ANAPC1: variants seen among roughly 807,000 people sequenced by gnomAD.
ANAPC1 encodes anaphase promoting complex subunit 1.
A neutral mutation model predicts 208.0 loss-of-function variants in ANAPC1; 36 were observed. That is an observed-to-expected ratio of 0.17 (90% CI 0.13 to 0.23). The LOEUF is 0.23. Among genes scored for constraint, ANAPC1 ranks in the 10% least tolerant of loss-of-function variants. ANAPC1 has a pLI of 1.00. For missense variants in ANAPC1, 942 were observed against 2,011.6 expected, an observed-to-expected ratio of 0.47 and a Z score of 10.17; for synonymous variants, 378 against 695.2, an observed-to-expected ratio of 0.54 and a Z score of 7.18.
chr2:111,877,462 C>A (rs971833966), intron 3 of ANAPC1, among the ~76,000 whole-genome samples: 3 of 152,068 alleles, frequency 2.0e-5, no homozygotes, highest in Non-Finnish European at 4.4e-5. Context: ...GATAATGAAT[C>A]CCCATCAGCC....
chr2:111,877,624 T>TA (rs1340452426), intron 3 of ANAPC1, among the ~76,000 whole-genome samples: 2 of 151,670 alleles, frequency 1.3e-5, no homozygotes. Flanking sequence ...ACTAAAAATA[T>TA]AAAAACAAAA....
intron 43 of ANAPC1, among the ~76,000 whole-genome samples, chr2:111,781,607 T>C (rs1344727346): frequency 1.3e-5 from 2 of 152,302 alleles, no homozygotes; most frequent in Admixed American, 6.5e-5. Context: ...TGCCCCACTT[T>C]TGCCGTCTAA....
In ANAPC1 at chr2:111,878,778, T is replaced by C. The variant is rs757103366; in HGVS notation, c.375+32A>G. The C allele has an allele frequency of 1.1e-5, 17 of 1,593,876 alleles. No individual in the cohort carries two copies. The South Asian group carries it at 1.8e-4, about 17-fold the overall frequency. On this transcript the variant is annotated intron_variant, in intron 3 of 47. Coordinates refer to ENST00000341068, the MANE Select transcript of ANAPC1 (RefSeq NM_022662.4). ...ACTTTTTTTTAATTGCATTAAATAGTGAATCAAATGCTAAAATTCAAATCA... is the reference window on the plus strand; with the variant it reads ...ACTTTTTTTTAATTGCATTAAATAGCGAATCAAATGCTAAAATTCAAATCA...
At chr2:111,870,791 T>C (rs1682704150) in intron 6 of ANAPC1, among the ~76,000 whole-genome samples, 1 of 152,220 alleles carries the variant, frequency 6.6e-6, no homozygotes, top group African/African-American at 2.4e-5. Context: ...AGAAGAGTTT[T>C]TCCAAGGTGA....
In ANAPC1 at chr2:111,858,404, A is replaced by G. The variant is rs773291959; in HGVS notation, c.1263-3T>C. 55 of 1,605,340 alleles carry G rather than the reference A, an allele frequency of 3.4e-5. No individual in the cohort carries two copies. The highest frequency in any genetic ancestry group is 1.4e-5 in the Non-Finnish European group (17 of 1,173,164). ...TTGAGGCTTGTGAATTTTTCTCTCT[A>G]TAATAGATACATTAATAAAGTAACT... On this transcript the variant is annotated splice_polypyrimidine_tract_variant and splice_region_variant and intron_variant, in intron 10 of 47. Transcript: ENST00000341068.
intron 13 of ANAPC1, among the ~76,000 whole-genome samples, chr2:111,852,258 C>T (rs1002163584): frequency 2.1e-5 from 3 of 140,708 alleles, no homozygotes; most frequent in African/African-American, 7.8e-5. Context: ...AACCTGAGAC[C>T]CAGGAATGAC....
intron 10 of ANAPC1, among the ~76,000 whole-genome samples, chr2:111,859,336 G>C (rs1681924973): frequency 6.6e-6 from 1 of 151,844 alleles, no homozygotes; most frequent in Admixed American, 6.6e-5. Flanking sequence ...TACAAAATTA[G>C]CCAGTAATCC....
At chr2:111,829,733 T>C (rs919236515) in intron 21 of ANAPC1, among the ~76,000 whole-genome samples, 10 of 151,952 alleles carry the variant, frequency 6.6e-5, no homozygotes, top group African/African-American at 2.2e-4. Context: ...TTGAAAAAAA[T>C]TTCAACAGGA....
intron 8 of ANAPC1, 97 bp downstream of exon 8, chr2:111,864,709 T>C: frequency 2.5e-6 from 4 of 1,579,720 alleles, no homozygotes; most frequent in Non-Finnish European, 3.5e-6. Flanking sequence ...GTGATCCGCC[T>C]GCCTTGGCCT....
intron 13 of ANAPC1, among the ~76,000 whole-genome samples, chr2:111,853,155 A>T (rs1214933693): frequency 6.6e-6 from 1 of 152,100 alleles, no homozygotes; most frequent in Non-Finnish European, 1.5e-5. Context: ...CCCACTTTAT[A>T]GAGACTCCAG....
intron 24 of ANAPC1, among the ~76,000 whole-genome samples, chr2:111,823,433 G>T (rs1679657137): frequency 2.0e-5 from 3 of 151,654 alleles, no homozygotes; most frequent in Admixed American, 2.0e-4. Context: ...CAGCCATATA[G>T]AAACTTATAC....
At chr2:111,865,219 T>C (rs1253813014) in intron 7 of ANAPC1, among the ~76,000 whole-genome samples, 1 of 152,048 alleles carries the variant, frequency 6.6e-6, no homozygotes, top group East Asian at 1.9e-4. Context: ...GTGCTGACTC[T>C]CACCATTACA....
chr2:111,831,466 C>T (rs749747998), intron 20 of ANAPC1, 32 bp from the exon 21 acceptor site: 28 of 1,484,604 alleles, frequency 1.9e-5, no homozygotes, highest in Middle Eastern at 2.4e-4. Context: ...CAAAAAGACA[C>T]GAAAATACAT....
At chr2:111,865,956 A>G in intron 7 of ANAPC1, 1 of 198,640 alleles carries the variant, frequency 5.0e-6, no homozygotes, top group South Asian at 8.1e-5. Flanking sequence ...CTGTAATCCC[A>G]GCACTTTGGG....
At chr2:111,835,234 CTG>C (rs368330949) in intron 18 of ANAPC1, among the ~76,000 whole-genome samples, 45 of 152,292 alleles carry the variant, frequency 3.0e-4, no homozygotes, top group Middle Eastern at 3.4e-3. Context: ...CTACACTGAA[CTG>C]TGTTTTGGTA....
chr2:111,821,209 A>C, intron 26 of ANAPC1, 30 bp downstream of exon 26: 1 of 1,593,556 alleles, frequency 6.3e-7, no homozygotes, highest in Non-Finnish European at 8.6e-7. Flanking sequence ...ATGAAACATG[A>C]CAAGAGATAG....
intron 47 of ANAPC1, among the ~76,000 whole-genome samples, chr2:111,770,713 T>C (rs1199294818): frequency 7.6e-6 from 1 of 131,646 alleles, no homozygotes; most frequent in Non-Finnish European, 1.6e-5. Flanking sequence ...AATCCAGTAC[T>C]GAGATCTTCA....
At chr2:111,842,846 A>G (rs984732106) in intron 17 of ANAPC1, among the ~76,000 whole-genome samples, 1 of 152,090 alleles carries the variant, frequency 6.6e-6, no homozygotes, top group Admixed American at 6.6e-5. Context: ...TTTGTAAATA[A>G]TCTAATAAGG....
intron 24 of ANAPC1, among the ~76,000 whole-genome samples, chr2:111,824,055 C>T (rs970493904): frequency 6.6e-6 from 1 of 150,498 alleles, no homozygotes; most frequent in African/African-American, 2.4e-5. Flanking sequence ...TTTCATAATA[C>T]TATGCATTAT....
Sources: allele counts gnomAD v4.1 joint callset (sites outside exome capture counted in the v4.1 genomes callset), GRCh38; gene constraint gnomAD v4.1.1; transcripts MANE v1.5; gene names NCBI Gene and HGNC (gene_info 2026-07-23, HGNC 2026-07-21).